The following ST3GAL4 variants were observed in gnomAD, a reference collection of about 807,000 sequenced individuals.
ST3GAL4 encodes the protein CMP-N-acetylneuraminate-beta-galactosamide-alpha-2,3-sialyltransferase 4.
ST3GAL4 carries 24 observed loss-of-function variants against 42.6 expected under a neutral mutation model. The observed-to-expected ratio is 0.56, with a 90% CI of 0.41 to 0.79. ST3GAL4 has a LOEUF of 0.79. Ranked by LOEUF, ST3GAL4 falls within the 30% of genes least tolerant of loss-of-function variation. ST3GAL4 has a pLI of 0.00. For missense variants in ST3GAL4, 311 were observed against 430.8 expected (o/e 0.72, Z 2.46); for synonymous variants, 135 against 163.2 (o/e 0.83, Z 1.32).
intron 1 of ST3GAL4, 198 bp from the exon 2 acceptor site, chr11:126,405,898 A>G (rs1049907037): frequency 6.1e-6 from 4 of 658,918 alleles, no homozygotes; most frequent in Non-Finnish European, 1.0e-5. Flanking sequence ...GGCAGGGCTC[A>G]CCTGGATCCT....
At chr11:126,408,805 G>C (rs1229994151) in intron 8 of ST3GAL4, 2 of 462,082 alleles carry the variant, frequency 4.3e-6, no homozygotes, top group Non-Finnish European at 7.8e-6. Flanking sequence ...CTCGGGAGCT[G>C]AGCAACCCTC....
rs188316538 is a variant in ST3GAL4 at position 126,378,017 on chromosome 11, C to T, written c.-61+22175C>T. 6.6e-6 allele frequency among the ~76,000 whole-genome samples: 1 copy of T among 152,124 alleles called. No homozygotes were observed. Among genetic ancestry groups the T allele is most frequent in the Non-Finnish European group, 1.5e-5 (1 of 68,038 alleles). On this transcript the variant is annotated intron_variant, in intron 1 of 10. Transcript: ENST00000444328. This position sits in a 1 kb window ranked among gnomAD's most constrained non-coding sequence, Gnocchi z 5.3. ...AGAAGTATGAAATCCAGAACCCCTTCGTAAGACTGTGTCTGGGATATTATG... is the reference window on the plus strand; with the variant it reads ...AGAAGTATGAAATCCAGAACCCCTTTGTAAGACTGTGTCTGGGATATTATG...
At chr11:126,372,970 C>CT (rs1952712140) in intron 1 of ST3GAL4, among the ~76,000 whole-genome samples, 1 of 152,194 alleles carries the variant, frequency 6.6e-6, no homozygotes, top group Non-Finnish European at 1.5e-5. Flanking sequence ...GGGATCCTAT[C>CT]TTGTCTCTTG....
rs973784297 is a variant in ST3GAL4, at chr11:126,384,179, A to G, written c.-60-21917A>G. Among the ~76,000 whole-genome samples, 2 of 152,176 alleles carry G rather than the reference A, an allele frequency of 1.3e-5. No individual in the cohort carries two copies. Among genetic ancestry groups the G allele is most frequent in the African/African-American group, 4.8e-5 (2 of 41,452 alleles). ...CACAGTTCCAGAAACTTGTTCATCAAGTGCCAGGCTGACCATGGTGTCCGT... is the reference window on the plus strand; with the variant it reads ...CACAGTTCCAGAAACTTGTTCATCAGGTGCCAGGCTGACCATGGTGTCCGT... On this transcript the variant is annotated intron_variant, in intron 1 of 10. Coordinates refer to ENST00000444328, the MANE Select transcript of ST3GAL4 (RefSeq NM_001254757.2). The surrounding 1 kb of genome is among the most constrained non-coding windows in gnomAD (Gnocchi z 5.5).
intron 1 of ST3GAL4, among the ~76,000 whole-genome samples, chr11:126,381,658 TG>T (rs1246822924): frequency 6.8e-6 from 1 of 147,098 alleles, no homozygotes; most frequent in Non-Finnish European, 1.5e-5. Context: ...CTTCTGCTTG[TG>T]GATGCTTTGT....
At chr11:126,407,728 C>G in intron 6 of ST3GAL4, 94 bp downstream of exon 6, 1 of 1,217,116 alleles carries the variant, frequency 8.2e-7, no homozygotes, top group Non-Finnish European at 1.1e-6. Context: ...CTCTGTGAAA[C>G]AGTCATGGAC....
rs543161044 is a variant in ST3GAL4 at position 126,406,385 on chromosome 11, G to A, written c.17-88G>A. 6.2e-7 allele frequency: 1 copy of A among 1,603,582 alleles called. No homozygotes were observed. The highest frequency in any genetic ancestry group is 1.7e-5 in the Admixed American group (1 of 58,842). On this transcript the variant is annotated intron_variant, in intron 2 of 10. Coordinates refer to ENST00000444328, the MANE Select transcript of ST3GAL4 (RefSeq NM_001254757.2). This position sits in a 1 kb window ranked among gnomAD's most constrained non-coding sequence, Gnocchi z 5.4. ...TGCTTCTGTTGAGTTAGGGGTCGGA[G>A]GGACTCAGAAGGGGGCAGGTGGGAA...
At chr11:126,403,515 C>T in intron 1 of ST3GAL4, 2 of 905,318 alleles carry the variant, frequency 2.2e-6, no homozygotes, top group Non-Finnish European at 2.6e-6. Flanking sequence ...TTACTATTCC[C>T]TATTCATGCC....
At chr11:126,369,204 A>T (rs999226495) in intron 1 of ST3GAL4, among the ~76,000 whole-genome samples, 2 of 152,134 alleles carry the variant, frequency 1.3e-5, no homozygotes, top group Non-Finnish European at 2.9e-5. Context: ...TGTTTGCTCA[A>T]GCAACCTCCC....
At chr11:126,374,902 A>G (rs1952777685) in intron 1 of ST3GAL4, 1 of 152,022 alleles carries the variant, frequency 6.6e-6, no homozygotes. Flanking sequence ...TGGCAGTTGT[A>G]TTAATGACGT....
Position 126,406,639 on chromosome 11 carries a change from A to C in ST3GAL4, c.101+82A>C. 2.0e-6 allele frequency: 3 copies of C among 1,492,604 alleles called. No individual in the cohort carries two copies. In the South Asian group the frequency reaches 3.4e-5, roughly 17 times the overall value. The allele number at this position is 1,492,604 out of a possible 1,614,324, so 92.5% of individuals were successfully genotyped here. A position where few individuals can be genotyped will look rare whatever the true frequency, so the allele number is the denominator to read the frequency against. ...TGGAGCATCATGGAGCGGGGGACCT[A>C]GTAGGGCAGGAAGGTTCCAAGAGCC... On this transcript the variant is annotated intron_variant, in intron 3 of 10. Transcript: ENST00000444328. The surrounding 1 kb of genome is among the most constrained non-coding windows in gnomAD (Gnocchi z 5.4).
rs533732701 is a variant in ST3GAL4, at chr11:126,396,366, G to A, written c.-60-9730G>A. Among the ~76,000 whole-genome samples the A allele has an allele frequency of 1.1e-3, 172 of 152,190 alleles. 1 individual carries two copies. The highest frequency in any genetic ancestry group is 3.8e-3 in the African/African-American group (156 of 41,444). On this transcript the variant is annotated intron_variant, in intron 1 of 10. Coordinates refer to ENST00000444328, the MANE Select transcript of ST3GAL4 (RefSeq NM_001254757.2). This position sits in a 1 kb window ranked among gnomAD's most constrained non-coding sequence, Gnocchi z 5.8. ...CAGCCCGGGAGACCTGGCCTACAGC[G>A]GAGAGAGTCAGTCCATGCCAGTGGT...
At chr11:126,382,859 C>A (rs1345616144) in intron 1 of ST3GAL4, among the ~76,000 whole-genome samples, 2 of 152,242 alleles carry the variant, frequency 1.3e-5, no homozygotes, top group Non-Finnish European at 2.9e-5. Context: ...GTGCAGATGA[C>A]CCTGAAATTG....
At chr11:126,408,215 C>G (rs759383697) in intron 7 of ST3GAL4, 21 bp downstream of exon 7, 1 of 1,613,700 alleles carries the variant, frequency 6.2e-7, no homozygotes, top group Non-Finnish European at 8.5e-7. Context: ...CTGTCTCTTC[C>G]TACTGTTGTT....
chr11:126,405,939 C>G, intron 1 of ST3GAL4, 157 bp from the exon 2 acceptor site: 1 of 868,974 alleles, frequency 1.2e-6, no homozygotes, highest in Non-Finnish European at 1.8e-6. Flanking sequence ...TTAGGAGGAT[C>G]CTGGATGAGA....
intron 6 of ST3GAL4, 113 bp from the exon 7 acceptor site, chr11:126,407,986 C>A (rs1046994072): frequency 3.3e-6 from 4 of 1,208,972 alleles, no homozygotes; most frequent in Non-Finnish European, 4.6e-6. Context: ...TTCATGGGGA[C>A]CAGGGGCTGA....
intron 1 of ST3GAL4, among the ~76,000 whole-genome samples, chr11:126,368,033 A>T (rs1428677099): frequency 6.6e-6 from 1 of 151,880 alleles, no homozygotes; most frequent in Non-Finnish European, 1.5e-5. Context: ...CTGTGATCCC[A>T]GCTACTTGGG....
chr11:126,357,839 G>A (rs1293866258), intron 1 of ST3GAL4, among the ~76,000 whole-genome samples: 1 of 152,248 alleles, frequency 6.6e-6, no homozygotes, highest in Admixed American at 6.5e-5. Context: ...CTGCTCCTGG[G>A]GTTGTCCCAA....
chr11:126,362,711 T>C (rs1040463445), intron 1 of ST3GAL4, among the ~76,000 whole-genome samples: 2 of 152,214 alleles, frequency 1.3e-5, no homozygotes, highest in Admixed American at 1.3e-4. Context: ...TTACCAGTTA[T>C]GTGACCTCGG....
Sources: gnomAD v4.1 joint callset for allele counts (sites outside exome capture counted in the v4.1 genomes callset) on GRCh38, gnomAD v4.1.1 for gene constraint, Gnocchi (gnomAD v3.1) non-coding constraint, MANE v1.5 for transcripts, NCBI Gene and HGNC (gene_info 2026-07-23, HGNC 2026-07-21) for gene names.